RTN3: variants seen among roughly 807,000 people sequenced by gnomAD.
RTN3 encodes reticulon 3, also known as reticulon-3.
Under a neutral mutation model 77.8 loss-of-function variants are expected in RTN3, and 49 were observed. The ratio of observed to expected loss-of-function variants is 0.63; its 90% CI spans 0.50 to 0.80. The LOEUF (loss-of-function observed/expected upper bound fraction) is 0.80. Among genes scored for constraint, RTN3 ranks in the 30% least tolerant of loss-of-function variants. RTN3 has a pLI of 0.00. For synonymous variants in RTN3, 464 were observed against 446.9 expected, an observed-to-expected ratio of 1.04 and a Z score of -0.48; for missense variants, 1,236 against 1,211.9, an observed-to-expected ratio of 1.02 and a Z score of -0.29.
At position 63,717,375 on chromosome 11, in the gene RTN3, C is replaced by CTT. The variant is rs1187530525; in HGVS notation, c.200-1301_200-1300dup. On this transcript the variant is annotated intron_variant, in intron 2 of 8. Transcript: ENST00000377819. ...AAAGTAATTCTGGAGTTAACTCTGT[C>CTT]TTTTTTTTTTTTTTTTTTTTTTTTT... is the stretch of plus-strand genomic sequence containing the variant. Among the ~76,000 whole-genome samples the CTT allele has an allele frequency of 1.9e-3, 141 of 75,194 alleles. 10 individuals are homozygous for CTT. The highest frequency in any genetic ancestry group is 2.6e-3 in the Non-Finnish European group (98 of 38,070). The allele number at this position is 75,194 out of a possible 152,430, so 49.3% of individuals were successfully genotyped here.
chr11:63,715,038 C>G (rs1301689741), intron 2 of RTN3, among the ~76,000 whole-genome samples: 2 of 152,220 alleles, frequency 1.3e-5, no homozygotes, highest in African/African-American at 4.8e-5. Flanking sequence ...TTACCATGCT[C>G]TTCCCAGTGA....
In RTN3 at chr11:63,716,575, A is replaced by G. The variant is rs1374240011; in HGVS notation, c.200-2127A>G. On this transcript the variant is annotated intron_variant, in intron 2 of 8. Coordinates refer to ENST00000377819, the MANE Select transcript of RTN3 (RefSeq NM_001265589.2). Reference sequence around the variant, plus strand: ...GGTGGGCGTGGTGGCTCATGCCTATAATCCCAGCACTTCAGGAGGCCGAGG... The same window carrying G: ...GGTGGGCGTGGTGGCTCATGCCTATGATCCCAGCACTTCAGGAGGCCGAGG... Among the ~76,000 whole-genome samples, 3 of 152,254 alleles carry G rather than the reference A, an allele frequency of 2.0e-5. No homozygotes were observed. The East Asian group carries it at 5.8e-4, about 29-fold the overall frequency.
At chr11:63,697,082 C>T (rs1941994971) in intron 1 of RTN3, among the ~76,000 whole-genome samples, 1 of 151,362 alleles carries the variant, frequency 6.6e-6, no homozygotes, top group African/African-American at 2.4e-5. Flanking sequence ...GATGGGGTTT[C>T]ACCATGTTAG....
Position 63,719,925 on chromosome 11 carries a change from G to A in RTN3, c.1423G>A (p.Asp475Asn), listed in dbSNP as rs762502616. Reference protein sequence around the residue: ...VATVKVVLPDDHLKDEMDWQS... With the variant: ...VATVKVVLPDNHLKDEMDWQS... ...CACAGTGAAAGTGGTTTTACCTGATGACCACCTGAAAGATGAAATGGACTG... is the reference window on the plus strand; with the variant it reads ...CACAGTGAAAGTGGTTTTACCTGATAACCACCTGAAAGATGAAATGGACTG... The change falls in exon 3 of 9, where the codon GAC (aspartate) becomes AAC (asparagine). Residue 475 changes from aspartate to asparagine, a missense_variant. Asp to Asn is a conservative substitution (Grantham distance 23). Coordinates refer to ENST00000377819, the MANE Select transcript of RTN3 (RefSeq NM_001265589.2). 2.5e-6 allele frequency: 4 copies of A among 1,614,108 alleles called. No individual in the cohort carries two copies. Among genetic ancestry groups the A allele is most frequent in the Admixed American group, 1.7e-5 (1 of 60,014 alleles).
chr11:63,726,269 A>G (rs1479561169), intron 3 of RTN3, among the ~76,000 whole-genome samples: 1 of 152,236 alleles, frequency 6.6e-6, no homozygotes, highest in Non-Finnish European at 1.5e-5. Context: ...TGACACATGT[A>G]AGAAGAGACA....
chr11:63,750,698 C>T (rs1251044240), intron 4 of RTN3, among the ~76,000 whole-genome samples: 4 of 151,646 alleles, frequency 2.6e-5, no homozygotes, highest in East Asian at 1.9e-4. Context: ...GTGATCCGCC[C>T]GCCTCAGCCT....
intron 3 of RTN3, among the ~76,000 whole-genome samples, chr11:63,739,966 AT>A (rs909292227): frequency 8.7e-4 from 132 of 152,254 alleles, no homozygotes; most frequent in Non-Finnish European, 1.4e-3. Flanking sequence ...TCAGTCAGAA[AT>A]GATGTTTTCT....
Position 63,753,154 on chromosome 11 carries a change from G to T in RTN3, c.2947+16G>T. 1 of 1,609,380 alleles carries T rather than the reference G, an allele frequency of 6.2e-7. No individual in the cohort carries two copies. Among genetic ancestry groups the T allele is most frequent in the Non-Finnish European group, 8.5e-7 (1 of 1,175,738 alleles). ...CTAATTCTTGGTAAGGTGGCAAGGA[G>T]AATGTGCCCATGCTCTTTGAAGTAG... On this transcript the variant is annotated intron_variant, in intron 6 of 8. Coordinates refer to ENST00000377819, the MANE Select transcript of RTN3 (RefSeq NM_001265589.2).
Position 63,720,349 on chromosome 11 carries a change from C to T in RTN3, c.1847C>T (p.Ser616Phe). The stretch of plus-strand genomic sequence containing the variant: ...AACCCCAAACTTCCTTCAACAGTGT[C>T]TCCAAATGTTTTTAATGAGACAGAA... Reference protein sequence around the residue: ...TENPKLPSTVSPNVFNETEFS... With the variant: ...TENPKLPSTVFPNVFNETEFS... The change falls in exon 3 of 9, where the codon TCT becomes TTT. Residue 616 changes from serine to phenylalanine, a missense_variant. Coordinates refer to ENST00000377819, the MANE Select transcript of RTN3 (RefSeq NM_001265589.2). 1.2e-6 allele frequency: 2 copies of T among 1,614,054 alleles called. No individual in the cohort carries two copies. Among genetic ancestry groups the T allele is most frequent in the Non-Finnish European group, 1.7e-6 (2 of 1,179,968 alleles).
intron 3 of RTN3, among the ~76,000 whole-genome samples, chr11:63,740,098 G>A (rs113308881): frequency 2.6e-5 from 4 of 152,208 alleles, no homozygotes; most frequent in African/African-American, 9.6e-5. Flanking sequence ...GGTCTGGTCT[G>A]CCCCATAGGT....
At chr11:63,715,467 C>T (rs544744737) in intron 2 of RTN3, among the ~76,000 whole-genome samples, 5 of 152,090 alleles carry the variant, frequency 3.3e-5, no homozygotes, top group South Asian at 2.1e-4. Context: ...GACCAGCCTG[C>T]GCAACGTGGT....
Position 63,719,883 on chromosome 11 carries a change from T to G in RTN3, c.1381T>G (p.Leu461Val). 1 of 1,614,114 alleles carries G rather than the reference T, an allele frequency of 6.2e-7. No homozygotes were observed. ...ATCTCCACCTGAGAAATGTGACTCT[T>G]TGGGTTCTGGAGTGGCCACAGTGAA... Reference protein sequence around the residue: ...PGSPPEKCDSLGSGVATVKVV... With the variant: ...PGSPPEKCDSVGSGVATVKVV... The change falls in exon 3 of 9, where the codon TTG (leucine) becomes GTG (valine). Residue 461 changes from leucine to valine, a missense_variant. Coordinates refer to ENST00000377819, the MANE Select transcript of RTN3 (RefSeq NM_001265589.2).
At chr11:63,757,718 TTTTC>T (rs2014454275) in intron 8 of RTN3, among the ~76,000 whole-genome samples, 1 of 126,986 alleles carries the variant, frequency 7.9e-6, no homozygotes, top group African/African-American at 2.6e-5. Context: ...ATTTTTCTTT[TTTTC>T]TTTTTTTTTT....
At chr11:63,708,812 C>T (rs1162585825) in intron 2 of RTN3, among the ~76,000 whole-genome samples, 1 of 152,206 alleles carries the variant, frequency 6.6e-6, no homozygotes, top group Non-Finnish European at 1.5e-5. Flanking sequence ...AATTATATTT[C>T]AGCCTAATCC....
chr11:63,681,906 G>T, intron 1 of RTN3, 128 bp downstream of exon 1: 1 of 1,043,336 alleles, frequency 9.6e-7, no homozygotes, highest in Non-Finnish European at 1.3e-6. Context: ...AGCCCCCCGG[G>T]GACGAGCGTT....
chr11:63,737,922 C>T (rs944403569), intron 3 of RTN3, among the ~76,000 whole-genome samples: 1 of 152,172 alleles, frequency 6.6e-6, no homozygotes, highest in African/African-American at 2.4e-5. Flanking sequence ...TGTCAGTGAT[C>T]TTTCTGTGCC....
Position 63,720,494 on chromosome 11 carries a change from A to G in RTN3, c.1992A>G (p.Lys664=). The G allele has an allele frequency of 6.2e-7, 1 of 1,613,456 alleles. No homozygotes were observed. The highest frequency in any genetic ancestry group is 1.1e-5 in the South Asian group (1 of 90,880). ...LIAAFTETRD[K]GIVDSERNAF... ...CAGCCTTTACAGAAACCAGAGATAA[A>G]GGAATAGTAGATAGTGAAAGAAATG... The change falls in exon 3 of 9, where the codon AAA becomes AAG. Residue 664 remains lysine, a synonymous_variant. Transcript: ENST00000377819.
At chr11:63,726,633 CG>C (rs2012288445) in intron 3 of RTN3, among the ~76,000 whole-genome samples, 1 of 152,134 alleles carries the variant, frequency 6.6e-6, no homozygotes, top group Admixed American at 6.5e-5. Context: ...GAGGCCAAGG[CG>C]GGTGGATCAC....
rs1331409563 is a variant in RTN3, at chr11:63,758,342, C to T, written c.*141C>T. 6 of 1,610,484 alleles carry T rather than the reference C, an allele frequency of 3.7e-6. No individual in the cohort carries two copies. Among genetic ancestry groups the T allele is most frequent in the South Asian group, 2.2e-5 (2 of 90,376 alleles). On this transcript the variant is annotated 3_prime_UTR_variant, in exon 9 of 9. Coordinates refer to ENST00000377819, the MANE Select transcript of RTN3 (RefSeq NM_001265589.2). ...TTTTTTTTAATTTGGTGTTTTCTCC[C>T]ATCCTTTCCCTTTAACCCTCAGTAT...
Sources: gnomAD v4.1 joint callset for allele counts (sites outside exome capture counted in the v4.1 genomes callset) on GRCh38, gnomAD v4.1.1 for gene constraint, MANE v1.5 for transcripts, NCBI Gene and HGNC (gene_info 2026-07-23, HGNC 2026-07-21) for gene names.